The following TCF3 variants were observed in gnomAD, a reference collection of about 807,000 sequenced individuals.
The protein encoded by TCF3 is transcription factor E2-alpha.
Under a neutral mutation model 72.3 loss-of-function variants are expected in TCF3, and 54 were observed. That is an observed-to-expected ratio of 0.75 (90% CI 0.60 to 0.94). TCF3 has a LOEUF of 0.94. TCF3 is among the 40% of genes least tolerant of loss of function. The pLI is 0.00. For missense variants in TCF3, 1,078 were observed against 934.4 expected (o/e 1.15, Z -2.00); for synonymous variants, 525 against 412.6 (o/e 1.27, Z -3.30).
At chr19:1,649,931 C>A (rs190302762) in intron 2 of TCF3, among the ~76,000 whole-genome samples, 30 of 152,368 alleles carry the variant, frequency 2.0e-4, no homozygotes, top group African/African-American at 7.0e-4. Context: ...GACTCAGTTT[C>A]CCCATCTGTA....
At chr19:1,630,812 C>A (rs987708018) in intron 5 of TCF3, among the ~76,000 whole-genome samples, 1 of 152,182 alleles carries the variant, frequency 6.6e-6, no homozygotes, top group Non-Finnish European at 1.5e-5. Context: ...CGGGACCCCC[C>A]CAAGACCCCT....
intron 4 of TCF3, 90 bp downstream of exon 4, chr19:1,632,242 C>A: frequency 6.5e-7 from 1 of 1,543,030 alleles, no homozygotes. Flanking sequence ...GAAGGCTGGC[C>A]CCTTCTCTCA....
rs1262939851 is a variant in TCF3, at chr19:1,652,453, C to T, written c.-193G>A. 6.9e-6 allele frequency: 1 copy of T among 144,156 alleles called. No individual in the cohort carries two copies. Among genetic ancestry groups the T allele is most frequent in the Non-Finnish European group, 1.5e-5 (1 of 64,870 alleles). 8.9% of individuals were successfully genotyped at this position (144,156 alleles called of 1,614,324 possible). On this transcript the variant is annotated 5_prime_UTR_variant, in exon 1 of 19. Transcript: ENST00000262965. ...CGCGTGGCCCGGGCCCCTCCCACCCCCGCGTGGCCCGTCCCGCGGGGCCCG... is the reference window on the plus strand; with the variant it reads ...CGCGTGGCCCGGGCCCCTCCCACCCTCGCGTGGCCCGTCCCGCGGGGCCCG...
At chr19:1,632,975 C>T (rs1434802569) in intron 3 of TCF3, among the ~76,000 whole-genome samples, 2 of 152,104 alleles carry the variant, frequency 1.3e-5, no homozygotes, top group East Asian at 1.9e-4. Flanking sequence ...GCTGGCAGCC[C>T]GTGAGGGTGG....
Position 1,652,483 on chromosome 19 carries a change from C to T in TCF3, c.-223G>A, listed in dbSNP as rs1220088249. 6.9e-6 allele frequency: 1 copy of T among 144,006 alleles called. No individual in the cohort carries two copies. Among genetic ancestry groups the T allele is most frequent in the African/African-American group, 2.5e-5 (1 of 40,212 alleles). The allele number at this position is 144,006 out of a possible 1,614,324, so 8.9% of individuals were successfully genotyped here. A position where few individuals can be genotyped will look rare whatever the true frequency, so the allele number is the denominator to read the frequency against. On this transcript the variant is annotated 5_prime_UTR_variant, in exon 1 of 19. Coordinates refer to ENST00000262965, the MANE Select transcript of TCF3 (RefSeq NM_003200.5). ...TGGCCCGTCCCGCGGGGCCCGTGCG[C>T]GCGGCCGGCCGGGGCGCCCCTGGGG...
At chr19:1,631,900 G>C in intron 5 of TCF3, 138 bp downstream of exon 5, 1 of 1,530,490 alleles carries the variant, frequency 6.5e-7, no homozygotes, top group Non-Finnish European at 8.8e-7. Flanking sequence ...CTCCCAGGAC[G>C]GGCAGAGGCT....
chr19:1,644,586 G>A (rs992652380), intron 3 of TCF3, among the ~76,000 whole-genome samples: 29 of 152,366 alleles, frequency 1.9e-4, no homozygotes, highest in Admixed American at 1.6e-3. Flanking sequence ...AGCACAGGGC[G>A]AGACTCTGTG....
chr19:1,612,521 C>T (rs1167867311), intron 18 of TCF3: 4 of 1,328,038 alleles, frequency 3.0e-6, no homozygotes, highest in Non-Finnish European at 4.2e-6. Flanking sequence ...TATCCAGCTA[C>T]TTGTGTTTGT....
chr19:1,637,574 G>C (rs1403870665), intron 3 of TCF3, among the ~76,000 whole-genome samples: 1 of 152,164 alleles, frequency 6.6e-6, no homozygotes, highest in Non-Finnish European at 1.5e-5. Flanking sequence ...AGTGACACCT[G>C]AGTGTGGGGA....
At chr19:1,650,082 C>T (rs2066773077) in intron 2 of TCF3, 95 bp downstream of exon 2, 2 of 1,230,206 alleles carry the variant, frequency 1.6e-6, no homozygotes, top group Non-Finnish European at 2.3e-6. Flanking sequence ...GAGGCTCCAT[C>T]GCTGAAGTAT....
Position 1,622,180 on chromosome 19 carries a change from G to GC in TCF3, c.695dup (p.Gln233ProfsTer21). 6.4e-7 allele frequency: 1 copy of GC among 1,568,792 alleles called. No homozygotes were observed. The highest frequency in any genetic ancestry group is 8.6e-7 in the Non-Finnish European group (1 of 1,159,596). On this transcript the variant is annotated frameshift_variant, in exon 10 of 19. Transcript: ENST00000262965. LOFTEE classifies it high-confidence loss of function. Reference sequence around the variant, plus strand: ...CCAGCATGGGCCCGAAGCCCGCCTGGCCCGGGGGACTCCAGAGCTCGGCTG... The same window carrying GC: ...CCAGCATGGGCCCGAAGCCCGCCTGGCCCCGGGGGACTCCAGAGCTCGGCTG...
rs2061443008 is a variant in TCF3 at position 1,615,375 on chromosome 19, G to A, written c.1732C>T (p.Leu578=). 1.2e-6 allele frequency: 2 copies of A among 1,614,092 alleles called. No individual in the cohort carries two copies. The highest frequency in any genetic ancestry group is 1.7e-6 in the Non-Finnish European group (2 of 1,179,966). Reference sequence around the variant, plus strand: ...TGGGGCTTCTCGCTGTTGAGGTGCAGTTGGCACATGCGCCCCAGCTCCTTA... The same window carrying A: ...TGGGGCTTCTCGCTGTTGAGGTGCAATTGGCACATGCGCCCCAGCTCCTTA... The part of the protein sequence containing the change: ...AFKELGRMCQ[L]HLNSEKPQTK... The change falls in exon 18 of 19, where the codon CTG becomes TTG. Residue 578 remains leucine, a synonymous_variant. Coordinates refer to ENST00000262965, the MANE Select transcript of TCF3 (RefSeq NM_003200.5). This position sits in a 1 kb window ranked among gnomAD's most constrained non-coding sequence, Gnocchi z 7.3.
At position 1,610,186 on chromosome 19, in the gene TCF3, C is replaced by T. The variant is rs543870658; in HGVS notation, c.*1521G>A. On this transcript the variant is annotated 3_prime_UTR_variant, in exon 19 of 19. Coordinates refer to ENST00000262965, the MANE Select transcript of TCF3 (RefSeq NM_003200.5). ...CTGGGACATGGGACACAGATGGGCC[C>T]GAGGGGACACCCTGCTGGTTCTGCA... The T allele has an allele frequency of 2.4e-4, 55 of 232,254 alleles. No individual in the cohort carries two copies. The highest frequency in any genetic ancestry group is 2.0e-3 in the South Asian group (11 of 5,522). 14.4% of individuals were successfully genotyped at this position (232,254 alleles called of 1,614,324 possible). A position where few individuals can be genotyped will look rare whatever the true frequency, so the allele number is the denominator to read the frequency against.
chr19:1,638,727 C>A (rs1459649157), intron 3 of TCF3, among the ~76,000 whole-genome samples: 1 of 152,162 alleles, frequency 6.6e-6, no homozygotes, highest in African/African-American at 2.4e-5. Flanking sequence ...TCAATCACGG[C>A]CTTAAACGTG....
chr19:1,634,021 G>A (rs917710166), intron 3 of TCF3, among the ~76,000 whole-genome samples: 1 of 152,348 alleles, frequency 6.6e-6, no homozygotes, highest in Admixed American at 6.5e-5. Context: ...TCCCCTGGAA[G>A]GCCTGGTGTG....
At chr19:1,639,058 T>C (rs898498214) in intron 3 of TCF3, among the ~76,000 whole-genome samples, 1 of 152,136 alleles carries the variant, frequency 6.6e-6, no homozygotes, top group African/African-American at 2.4e-5. Context: ...AGGTTTCTTT[T>C]TCTGAGACAG....
intron 3 of TCF3, among the ~76,000 whole-genome samples, chr19:1,634,519 G>A (rs1431980388): frequency 1.3e-5 from 2 of 152,218 alleles, no homozygotes; most frequent in Admixed American, 6.5e-5. Context: ...GGGTGTGGAA[G>A]CCGCCCACCT....
At chr19:1,651,591 G>C (rs1291767483) in intron 1 of TCF3, among the ~76,000 whole-genome samples, 1 of 152,174 alleles carries the variant, frequency 6.6e-6, no homozygotes, top group African/African-American at 2.4e-5. Flanking sequence ...AGGACTTTGA[G>C]AGACTTGGAG....
Position 1,650,297 on chromosome 19 carries a change from G to A in TCF3, c.-39-10C>T. On this transcript the variant is annotated splice_polypyrimidine_tract_variant and intron_variant, in intron 1 of 18. Coordinates refer to ENST00000262965, the MANE Select transcript of TCF3 (RefSeq NM_003200.5). ...CTCAGGCCTGGAAACCCTGCTTGGT[G>A]GATGTGGGGACAGATGGACAGGGAG... 1 of 1,519,854 alleles carries A rather than the reference G, an allele frequency of 6.6e-7. No homozygotes were observed. The highest frequency in any genetic ancestry group is 8.9e-7 in the Non-Finnish European group (1 of 1,125,906). The allele number at this position is 1,519,854 out of a possible 1,614,324, so 94.1% of individuals were successfully genotyped here. A position where few individuals can be genotyped will look rare whatever the true frequency, so the allele number is the denominator to read the frequency against.
Sources: allele counts gnomAD v4.1 joint callset (sites outside exome capture counted in the v4.1 genomes callset), GRCh38; gene constraint gnomAD v4.1.1; non-coding constraint Gnocchi (gnomAD v3.1); transcripts MANE v1.5; gene names NCBI Gene and HGNC (gene_info 2026-07-23, HGNC 2026-07-21).